Variants in MID2 observed in about 807,000 individuals in gnomAD.
The protein encoded by MID2 is midline 2, also known as probable E3 ubiquitin-protein ligase MID2.
A neutral mutation model predicts 46.1 loss-of-function variants in MID2; 13 were observed. That is an observed-to-expected ratio of 0.28 (90% confidence interval 0.18 to 0.45). The LOEUF (loss-of-function observed/expected upper bound fraction) is 0.45. MID2 is among the 20% of genes least tolerant of loss of function. The probability of loss-of-function intolerance (pLI) is 1.00; values close to 1 mark genes in which losing one functional copy is unlikely to be tolerated. For synonymous variants in MID2, 199 were observed against 212.3 expected (o/e 0.94, Z 0.55); for missense variants, 431 against 575.4 (o/e 0.75, Z 2.57).
chrX:107,915,548 ACT>A (rs1275856733), intron 5 of MID2, among the ~76,000 whole-genome samples: 2 of 108,386 alleles, frequency 1.8e-5, no homozygotes, highest in Non-Finnish European at 3.8e-5. Context: ...ACACAGCAAG[ACT>A]CTGTCTCAAA....
At chrX:107,884,029 G>C (rs1932389514) in intron 3 of MID2, among the ~76,000 whole-genome samples, 1 of 112,445 alleles carries the variant, frequency 8.9e-6, no homozygotes, top group African/African-American at 3.2e-5. Flanking sequence ...ACATTTTACA[G>C]AATGGAAGTC....
chrX:107,856,051 T>C (rs913387981), intron 3 of MID2, among the ~76,000 whole-genome samples: 2 of 112,276 alleles, frequency 1.8e-5, no homozygotes, highest in African/African-American at 3.2e-5. Flanking sequence ...TCAGTGTTCT[T>C]ACCTATAAAA....
intron 3 of MID2, among the ~76,000 whole-genome samples, chrX:107,856,549 C>T (rs778641470): frequency 3.6e-5 from 4 of 111,789 alleles, no homozygotes; most frequent in Admixed American, 9.5e-5. Context: ...CTCATCTTGC[C>T]ACTCTGAAGA....
chrX:107,895,409 T>G (rs775726468), intron 3 of MID2: 1 of 112,044 alleles, frequency 8.9e-6, no homozygotes, highest in African/African-American at 3.2e-5. Flanking sequence ...GAATGTTATG[T>G]AAATGGAATC....
At chrX:107,903,156 A>G (rs913646105) in intron 3 of MID2, among the ~76,000 whole-genome samples, 5 of 111,904 alleles carry the variant, frequency 4.5e-5, no homozygotes, top group African/African-American at 1.6e-4. Flanking sequence ...GTTAAGTACT[A>G]AAAAGATGTT....
chrX:107,833,576 C>T (rs1256781716), intron 1 of MID2, among the ~76,000 whole-genome samples: 1 of 108,454 alleles, frequency 9.2e-6, no homozygotes, highest in African/African-American at 3.4e-5. Context: ...TTTGCAGACC[C>T]GGAAGAAAAA....
chrX:107,872,777 T>A (rs763838002), intron 3 of MID2, among the ~76,000 whole-genome samples: 97 of 112,380 alleles, frequency 8.6e-4, no homozygotes, highest in African/African-American at 2.9e-3. Flanking sequence ...TTTCAGTTCC[T>A]GTTGGAAATG....
intron 3 of MID2, among the ~76,000 whole-genome samples, chrX:107,859,086 ATTTTC>A (rs1931801869): frequency 9.0e-6 from 1 of 111,493 alleles, no homozygotes; most frequent in Non-Finnish European, 1.9e-5. Flanking sequence ...ATGGGCTGGT[ATTTTC>A]TTCTTTCTGC....
At chrX:107,894,795 G>A (rs961559714) in intron 3 of MID2, 1 of 102,728 alleles carries the variant, frequency 9.7e-6, no homozygotes, top group Non-Finnish European at 2.0e-5. Flanking sequence ...TAAGTATTAC[G>A]GATAAAAATA....
chrX:107,873,842 C>T (rs2147844839), intron 3 of MID2, among the ~76,000 whole-genome samples: 1 of 111,596 alleles, frequency 9.0e-6, no homozygotes, highest in South Asian at 3.8e-4. Flanking sequence ...TTTAATGGGA[C>T]TCCCATTACC....
intron 3 of MID2, among the ~76,000 whole-genome samples, chrX:107,901,796 G>A (rs983464269): frequency 8.9e-6 from 1 of 111,949 alleles, no homozygotes; most frequent in African/African-American, 3.2e-5. Flanking sequence ...TAAAAGATAA[G>A]TAGAAATGTG....
At position 107,917,525 on chromosome X, in the gene MID2, C is replaced by G. The variant is rs746094918; in HGVS notation, c.1221C>G (p.Ile407Met). 1 of 1,208,101 alleles carries G rather than the reference C, an allele frequency of 8.3e-7. No homozygotes were observed. The highest frequency in any genetic ancestry group is 1.8e-5 in the African/African-American group (1 of 57,002). The change falls in exon 7 of 10, where the codon ATC becomes ATG. Residue 407 changes from isoleucine (I) to methionine (M), a missense_variant. Coordinates refer to ENST00000262843, the MANE Select transcript of MID2 (RefSeq NM_012216.4). ...DYLTAPNPPS[I>M]REELCTASHD... ...TTACAGCCCCAAACCCACCATCTATCCGAGAAGAACTCTGTACTGCCTCCC... is the reference window on the plus strand; with the variant it reads ...TTACAGCCCCAAACCCACCATCTATGCGAGAAGAACTCTGTACTGCCTCCC...
chrX:107,886,690 T>C (rs1321391232), intron 3 of MID2, among the ~76,000 whole-genome samples: 2 of 111,992 alleles, frequency 1.8e-5, no homozygotes, highest in African/African-American at 6.5e-5. Context: ...GGGGATGGCA[T>C]TGAATCTATA....
chrX:107,917,755 A>G lies in MID2; in HGVS notation c.1435+16A>G, dbSNP rs749532507. ...GCGCCACGAGGCAAGTGTTTGTAAG[A>G]CATGTTAGGTTGTTTAGTATAGTGT... is the stretch of plus-strand genomic sequence containing the variant. On this transcript the variant is annotated intron_variant, in intron 7 of 9. Transcript: ENST00000262843. 2.5e-6 allele frequency: 3 copies of G among 1,191,933 alleles called. No homozygotes were observed. In the South Asian group the frequency reaches 5.3e-5, roughly 21 times the overall value.
intron 2 of MID2, among the ~76,000 whole-genome samples, chrX:107,847,313 A>G (rs5962899): frequency 8.9e-6 from 1 of 111,944 alleles, no homozygotes; most frequent in African/African-American, 3.3e-5. Flanking sequence ...GGAAATTCCA[A>G]TTCAGTATGG....
chrX:107,903,611 A>T (rs1300111414), intron 3 of MID2, among the ~76,000 whole-genome samples: 2 of 111,744 alleles, frequency 1.8e-5, no homozygotes, highest in African/African-American at 6.5e-5. Context: ...TCTTTTCTTG[A>T]CATACATAAA....
At chrX:107,893,399 G>A (rs908950495) in intron 3 of MID2, among the ~76,000 whole-genome samples, 2 of 112,257 alleles carry the variant, frequency 1.8e-5, no homozygotes, top group Non-Finnish European at 3.8e-5. Context: ...TCTGCTATTT[G>A]ATTCTTTAAC....
chrX:107,904,129 C>A, intron 4 of MID2, 64 bp downstream of exon 4: 1 of 769,759 alleles, frequency 1.3e-6, no homozygotes, highest in Non-Finnish European at 2.0e-6. Context: ...AAGTTTGATC[C>A]AGATGATTCT....
chrX:107,893,624 C>T (rs191057782), intron 3 of MID2, among the ~76,000 whole-genome samples: 1 of 112,103 alleles, frequency 8.9e-6, no homozygotes, highest in East Asian at 2.8e-4. Flanking sequence ...TTTCCAAGTC[C>T]TTTTAAGCAG....
Sources: gnomAD v4.1 joint callset for allele counts (sites outside exome capture counted in the v4.1 genomes callset) on GRCh38, gnomAD v4.1.1 for gene constraint, MANE v1.5 for transcripts, NCBI Gene and HGNC (gene_info 2026-07-23, HGNC 2026-07-21) for gene names.